NTM: variants seen among roughly 807,000 people sequenced by gnomAD.
The protein encoded by NTM is IgLON family member 2.
A neutral mutation model predicts 42.1 loss-of-function variants in NTM; 13 were observed. The ratio of observed to expected loss-of-function variants is 0.31; its 90% CI spans 0.20 to 0.49. The LOEUF is 0.49. Ranked by LOEUF, NTM falls within the 20% of genes least tolerant of loss-of-function variation. The probability of loss-of-function intolerance (pLI) is 0.99; values close to 1 mark genes in which losing one functional copy is unlikely to be tolerated. For synonymous variants in NTM, 187 were observed against 179.2 expected, an observed-to-expected ratio of 1.04 and a Z score of -0.35; for missense variants, 373 against 452.8, an observed-to-expected ratio of 0.82 and a Z score of 1.60.
At chr11:131,413,915 C>T (rs1390058600) in intron 1 of NTM, among the ~76,000 whole-genome samples, 5 of 152,164 alleles carry the variant, frequency 3.3e-5, no homozygotes, top group East Asian at 1.9e-4. Context: ...GAGGACAAGG[C>T]CTCCTGTGGC....
intron 3 of NTM, among the ~76,000 whole-genome samples, chr11:132,208,019 C>T (rs931865698): frequency 9.2e-5 from 14 of 152,050 alleles, no homozygotes; most frequent in Admixed American, 8.5e-4. Context: ...ACAATGCTGG[C>T]ATATGGAAAG....
chr11:132,072,059 TAATA>T (rs1042318514), intron 2 of NTM, among the ~76,000 whole-genome samples: 9 of 152,128 alleles, frequency 5.9e-5, no homozygotes, highest in Admixed American at 3.3e-4. Flanking sequence ...TGTTTCCTAC[TAATA>T]AATCATGCCT....
At chr11:131,683,344 G>A (rs1046906508) in intron 1 of NTM, among the ~76,000 whole-genome samples, 13 of 152,226 alleles carry the variant, frequency 8.5e-5, no homozygotes, top group African/African-American at 2.7e-4. Flanking sequence ...TGTCTGCAGC[G>A]GGGCACTGTG....
At chr11:131,634,870 T>C (rs1244278096) in intron 1 of NTM, among the ~76,000 whole-genome samples, 1 of 152,228 alleles carries the variant, frequency 6.6e-6, no homozygotes, top group African/African-American at 2.4e-5. Flanking sequence ...TTGTATATAA[T>C]TGGTATTCAA....
intron 2 of NTM, among the ~76,000 whole-genome samples, chr11:132,042,728 G>A (rs1392837079): frequency 6.6e-6 from 1 of 152,170 alleles, no homozygotes; most frequent in Admixed American, 6.5e-5. Flanking sequence ...GTCAAGTATT[G>A]TACAGACCAT....
Position 132,209,495 on chromosome 11 carries a change from T to C in NTM, c.401-2527T>C, listed in dbSNP as rs1443887161. Among the ~76,000 whole-genome samples, 4 of 152,244 alleles carry C rather than the reference T, an allele frequency of 2.6e-5. No individual in the cohort carries two copies. In the East Asian group the frequency reaches 7.7e-4, roughly 29 times the overall value. On this transcript the variant is annotated intron_variant, in intron 3 of 8. Transcript: ENST00000683400. The stretch of plus-strand genomic sequence containing the variant: ...ATGGAAATCTAAAAATGATTAACTG[T>C]TGCTTACTCTGTGTAACATACCCTA...
chr11:132,166,194 G>T (rs1246243609), intron 3 of NTM, among the ~76,000 whole-genome samples: 2 of 152,104 alleles, frequency 1.3e-5, no homozygotes, highest in Non-Finnish European at 2.9e-5. Flanking sequence ...GTATTCTAGA[G>T]AACATGACCT....
intron 1 of NTM, among the ~76,000 whole-genome samples, chr11:131,533,087 ATTG>A (rs893417547): frequency 3.9e-5 from 6 of 152,100 alleles, no homozygotes; most frequent in Non-Finnish European, 4.4e-5. Context: ...AATAATTTTT[ATTG>A]TTGTTGTTCT....
At chr11:132,227,943 C>A (rs1407872438) in intron 4 of NTM, among the ~76,000 whole-genome samples, 2 of 152,152 alleles carry the variant, frequency 1.3e-5, no homozygotes, top group Non-Finnish European at 2.9e-5. Flanking sequence ...CCCCAAGGAC[C>A]AAGGCAGAAG....
intron 1 of NTM, among the ~76,000 whole-genome samples, chr11:131,906,264 A>C (rs1189854122): frequency 2.0e-5 from 3 of 152,146 alleles, no homozygotes; most frequent in Non-Finnish European, 4.4e-5. Context: ...GCCACAGATG[A>C]TGCAGCAGCA....
chr11:132,332,960 G>C (rs1032633216), intron 8 of NTM, among the ~76,000 whole-genome samples: 1 of 152,152 alleles, frequency 6.6e-6, no homozygotes, highest in Non-Finnish European at 1.5e-5. Flanking sequence ...CGGGAGACGG[G>C]AGGTGGGAGT....
chr11:132,251,385 C>A (rs758210276), intron 4 of NTM, among the ~76,000 whole-genome samples: 6 of 152,198 alleles, frequency 3.9e-5, no homozygotes, highest in Admixed American at 1.3e-4. Context: ...AGGAAGGAAG[C>A]TTTTGATACT....
At chr11:131,408,564 A>G (rs1386105677) in intron 1 of NTM, among the ~76,000 whole-genome samples, 1 of 152,156 alleles carries the variant, frequency 6.6e-6, no homozygotes, top group African/African-American at 2.4e-5. Context: ...ACTTTTGAGT[A>G]TTTACTTTGA....
At chr11:131,532,196 AACAGAAAAT>A (rs1024581084) in intron 1 of NTM, among the ~76,000 whole-genome samples, 2 of 152,108 alleles carry the variant, frequency 1.3e-5, no homozygotes, top group Non-Finnish European at 2.9e-5. Flanking sequence ...AATCATCCCA[AACAGAAAAT>A]ACATCCCCAT....
intron 2 of NTM, among the ~76,000 whole-genome samples, chr11:131,987,919 G>A (rs1327253017): frequency 1.3e-5 from 2 of 152,232 alleles, no homozygotes; most frequent in Admixed American, 6.5e-5. Context: ...CATGCACACT[G>A]TCTACCTGTA....
intron 2 of NTM, among the ~76,000 whole-genome samples, chr11:131,994,017 A>AAATAGAAG (rs566525065): frequency 7.2e-6 from 1 of 138,010 alleles, no homozygotes; most frequent in East Asian, 2.1e-4. Context: ...AAAAAAAAAA[A>AAATAGAAG]AAGAAGAAGA....
chr11:131,762,804 C>G (rs11222779), intron 1 of NTM, among the ~76,000 whole-genome samples: 43,674 of 152,032 alleles, frequency 0.29, 6,735 homozygotes, highest in East Asian at 0.41. Context: ...TGATGGAGAA[C>G]TGAGAGCTTC....
intron 2 of NTM, among the ~76,000 whole-genome samples, chr11:131,960,265 C>T (rs1012623191): frequency 6.6e-6 from 1 of 152,172 alleles, no homozygotes; most frequent in Non-Finnish European, 1.5e-5. Flanking sequence ...GTAAGACCTC[C>T]GTCCATCCAG....
At chr11:131,986,349 T>C (rs536933488) in intron 2 of NTM, among the ~76,000 whole-genome samples, 1 of 152,234 alleles carries the variant, frequency 6.6e-6, no homozygotes, top group Non-Finnish European at 1.5e-5. Context: ...AAACATCCTT[T>C]GCACAAAAGC....
Sources: gnomAD v4.1 joint callset for allele counts (sites outside exome capture counted in the v4.1 genomes callset) on GRCh38, gnomAD v4.1.1 for gene constraint, MANE v1.5 for transcripts, NCBI Gene and HGNC (gene_info 2026-07-23, HGNC 2026-07-21) for gene names.